UTRN: variants seen among roughly 807,000 people sequenced by gnomAD.
The protein encoded by UTRN is dystrophin-related protein 1.
UTRN carries 283 observed loss-of-function variants against 463.9 expected under a neutral mutation model. The ratio of observed to expected loss-of-function variants is 0.61; its 90% confidence interval spans 0.55 to 0.67. UTRN has a LOEUF of 0.67. Ranked by LOEUF, UTRN falls within the 30% of genes least tolerant of loss-of-function variation. UTRN has a pLI of 0.00. For synonymous variants in UTRN, 1,442 were observed against 1,431.5 expected (o/e 1.01, Z -0.17); for missense variants, 3,922 against 4,084.3 (o/e 0.96, Z 1.08).
chr6:144,814,523 T>C (rs994741298), intron 65 of UTRN, among the ~76,000 whole-genome samples: 1 of 152,174 alleles, frequency 6.6e-6, no homozygotes, highest in Non-Finnish European at 1.5e-5. Context: ...CATTTTGTTA[T>C]AAAAGTTTAG....
chr6:144,617,308 A>G (rs1347094917), intron 51 of UTRN, among the ~76,000 whole-genome samples: 1 of 152,162 alleles, frequency 6.6e-6, no homozygotes, highest in Non-Finnish European at 1.5e-5. Context: ...AATGTTTTTA[A>G]TCACCCACTG....
intron 51 of UTRN, among the ~76,000 whole-genome samples, chr6:144,662,691 C>T (rs1049608677): frequency 7.2e-5 from 11 of 152,154 alleles, no homozygotes; most frequent in African/African-American, 1.7e-4. Context: ...AATCCTGATA[C>T]GCTTAGTAGT....
intron 51 of UTRN, among the ~76,000 whole-genome samples, chr6:144,642,797 T>C (rs1777903015): frequency 1.3e-5 from 2 of 152,168 alleles, no homozygotes; most frequent in African/African-American, 4.8e-5. Context: ...TATGGTTTTT[T>C]AATATTGATT....
At chr6:144,463,453 T>C (rs927330945) in intron 23 of UTRN, among the ~76,000 whole-genome samples, 1 of 152,104 alleles carries the variant, frequency 6.6e-6, no homozygotes, top group Non-Finnish European at 1.5e-5. Flanking sequence ...TCAATGTCAA[T>C]AGAAGTCAGT....
At chr6:144,331,031 T>G in intron 2 of UTRN, 5 of 985,316 alleles carry the variant, frequency 5.1e-6, no homozygotes, top group Non-Finnish European at 6.0e-6. Flanking sequence ...AAAGACTCAT[T>G]GAGAATGTGG....
chr6:144,652,608 A>T (rs1265165414), intron 51 of UTRN, among the ~76,000 whole-genome samples: 1 of 152,172 alleles, frequency 6.6e-6, no homozygotes, highest in Non-Finnish European at 1.5e-5. Flanking sequence ...CATTCCAAAA[A>T]ACTTTAGACC....
intron 2 of UTRN, among the ~76,000 whole-genome samples, chr6:144,361,257 G>A (rs1779053458): frequency 6.6e-6 from 1 of 152,180 alleles, no homozygotes; most frequent in Non-Finnish European, 1.5e-5. Context: ...CTGGATTTCA[G>A]AAAGACTAGC....
At chr6:144,453,683 A>G (rs1788548182) in intron 18 of UTRN, 99 bp from the exon 19 acceptor site, 6 of 926,112 alleles carry the variant, frequency 6.5e-6, no homozygotes. Context: ...TCAGATTTAA[A>G]AAGAATGTAG....
chr6:144,591,795 G>GA (rs1014895163), intron 51 of UTRN, among the ~76,000 whole-genome samples: 6 of 150,424 alleles, frequency 4.0e-5, no homozygotes, highest in East Asian at 1.9e-4. Flanking sequence ...ATTATAGCCG[G>GA]AAAAAAAAAG....
intron 46 of UTRN, among the ~76,000 whole-genome samples, chr6:144,547,427 A>T (rs1055213211): frequency 6.6e-6 from 1 of 152,170 alleles, no homozygotes; most frequent in African/African-American, 2.4e-5. Flanking sequence ...GAGCTACTTC[A>T]GTCCTCTGAA....
At chr6:144,439,617 C>CAAGTAG (rs1189704383) in intron 12 of UTRN, among the ~76,000 whole-genome samples, 2 of 152,154 alleles carry the variant, frequency 1.3e-5, no homozygotes, top group South Asian at 2.1e-4. Context: ...CTCAGTCTCC[C>CAAGTAG]AAGTAGCTGG....
chr6:144,620,176 T>C (rs1775201791), intron 51 of UTRN, among the ~76,000 whole-genome samples: 1 of 152,202 alleles, frequency 6.6e-6, no homozygotes, highest in African/African-American at 2.4e-5. Flanking sequence ...GTGATGGCCA[T>C]GATTGCAGAA....
chr6:144,666,310 G>A (rs1780389906), intron 51 of UTRN, among the ~76,000 whole-genome samples: 1 of 152,150 alleles, frequency 6.6e-6, no homozygotes, highest in African/African-American at 2.4e-5. Context: ...GGACTTTGCA[G>A]TGCAGGCTTC....
At chr6:144,637,303 T>A (rs1392008069) in intron 51 of UTRN, among the ~76,000 whole-genome samples, 11 of 152,324 alleles carry the variant, frequency 7.2e-5, no homozygotes, top group Middle Eastern at 3.4e-3. Flanking sequence ...ATTGTGATGT[T>A]CAGAATCTAA....
intron 3 of UTRN, among the ~76,000 whole-genome samples, chr6:144,421,461 G>T (rs147374409): frequency 0.058 from 8,887 of 152,048 alleles, 380 homozygotes; most frequent in Admixed American, 0.14. Context: ...AGGCCGAGGT[G>T]GGCGGATCAT....
chr6:144,810,820 A>T (rs569411163), intron 65 of UTRN, among the ~76,000 whole-genome samples: 1 of 152,238 alleles, frequency 6.6e-6, no homozygotes, highest in South Asian at 2.1e-4. Flanking sequence ...TTGTACTGGT[A>T]ACTTTGATGA....
chr6:144,842,094 C>T (rs970948293), intron 73 of UTRN, among the ~76,000 whole-genome samples: 1 of 110,146 alleles, frequency 9.1e-6, no homozygotes. Flanking sequence ...TGGGAGACAG[C>T]GTGAGACTTC....
intron 2 of UTRN, among the ~76,000 whole-genome samples, chr6:144,327,939 C>T (rs989941908): frequency 5.3e-5 from 8 of 151,974 alleles, no homozygotes; most frequent in South Asian, 2.1e-4. Context: ...GGCGAAACTC[C>T]GTCTCAAAAC....
intron 50 of UTRN, among the ~76,000 whole-genome samples, chr6:144,574,361 G>A (rs1414035121): frequency 6.6e-6 from 1 of 152,252 alleles, no homozygotes; most frequent in African/African-American, 2.4e-5. Context: ...CTTTGACTTA[G>A]CAGAATGCAT....
Sources: gnomAD v4.1 joint callset for allele counts (sites outside exome capture counted in the v4.1 genomes callset) on GRCh38, gnomAD v4.1.1 for gene constraint, MANE v1.5 for transcripts, NCBI Gene and HGNC (gene_info 2026-07-23, HGNC 2026-07-21) for gene names.